Variants in AVEN observed in about 807,000 individuals in gnomAD.
AVEN encodes apoptosis and caspase activation inhibitor.
A neutral mutation model predicts 38.1 loss-of-function variants in AVEN; 41 were observed. The ratio of observed to expected loss-of-function variants is 1.08; its 90% CI spans 0.84 to 1.40. The LOEUF (loss-of-function observed/expected upper bound fraction) is 1.40. AVEN is among the 40% of genes most tolerant of loss of function. AVEN has a pLI of 0.00. For missense variants in AVEN, 605 were observed against 438.8 expected, an observed-to-expected ratio of 1.38 and a Z score of -3.38; for synonymous variants, 206 against 171.8, an observed-to-expected ratio of 1.20 and a Z score of -1.56.
rs1393436770 is a variant in AVEN at position 34,038,872 on chromosome 15, AGCCCCGGCCACG to A, written c.163_174del (p.Arg55_Gly58del). 8.7e-7 allele frequency: 1 copy of A among 1,146,496 alleles called. No homozygotes were observed. Among genetic ancestry groups the A allele is most frequent in the African/African-American group, 1.7e-5 (1 of 60,094 alleles). The allele number at this position is 1,146,496 out of a possible 1,614,324, so 71.0% of individuals were successfully genotyped here. On this transcript the variant is annotated inframe_deletion, in exon 1 of 6. Transcript: ENST00000306730. ...CCTCGGCCTCCGCGAGCGCCGCGGA[AGCCCCGGCCACG>A]GCCACGGCCCCGGCGTCCGCCTCCG...
rs1187959547 is a variant in AVEN at position 33,908,251 on chromosome 15, A to C, written c.446-32256T>G. On this transcript the variant is annotated intron_variant, in intron 2 of 5. Coordinates refer to ENST00000306730, the MANE Select transcript of AVEN (RefSeq NM_020371.3). ...TCCTTACCCATTACACATAACCAGG[A>C]TTCTTTTACTTCGAAAGCTGAATTG... Among the ~76,000 whole-genome samples, 3 of 36,082 alleles carry C rather than the reference A, an allele frequency of 8.3e-5. 1 individual carries two copies. Among genetic ancestry groups the C allele is most frequent in the African/African-American group, 1.6e-4 (3 of 18,780 alleles). The allele number at this position is 36,082 out of a possible 152,430, so 23.7% of individuals were successfully genotyped here.
intron 2 of AVEN, among the ~76,000 whole-genome samples, chr15:33,904,738 C>T (rs933844134): frequency 2.0e-5 from 3 of 147,680 alleles, no homozygotes; most frequent in Non-Finnish European, 3.0e-5. Context: ...CGAATATGCA[C>T]GCTTGCACAC....
rs751322513 is a variant in AVEN at position 33,867,735 on chromosome 15, T to G, written c.733A>C (p.Lys245Gln). The G allele has an allele frequency of 2.5e-6, 4 of 1,614,168 alleles. No individual in the cohort carries two copies. The South Asian group carries it at 3.3e-5, about 13-fold the overall frequency. Residue 245 changes from lysine to glutamine, a missense_variant, in exon 5 of 6, where the codon AAA (lysine) becomes CAA (glutamine). Coordinates refer to ENST00000306730, the MANE Select transcript of AVEN (RefSeq NM_020371.3). ...ACAGGGCAGCCAGCAGCCACAGATT[T>G]CAGCTCAAAGATGGGCCCCCTTCCT... ...PGGRGPIFEL[K>Q]SVAAGCPVLL...
rs956268445 is a variant in AVEN at position 33,908,445 on chromosome 15, T to C, written c.446-32450A>G. On this transcript the variant is annotated intron_variant, in intron 2 of 5. Transcript: ENST00000306730. The stretch of plus-strand genomic sequence containing the variant: ...TTATGAGTATTAACCCATGTCACTG[T>C]TGGTACATTTATAGAGTATAAAATC... Among the ~76,000 whole-genome samples the C allele has an allele frequency of 3.1e-5, 4 of 129,542 alleles. 1 individual carries two copies. Among genetic ancestry groups the C allele is most frequent in the Admixed American group, 8.1e-5 (1 of 12,302 alleles). The allele number at this position is 129,542 out of a possible 152,430, so 85.0% of individuals were successfully genotyped here. A position where few individuals can be genotyped will look rare whatever the true frequency, so the allele number is the denominator to read the frequency against.
intron 2 of AVEN, among the ~76,000 whole-genome samples, chr15:33,983,062 G>A (rs1389207213): frequency 6.6e-6 from 1 of 151,302 alleles, no homozygotes; most frequent in Non-Finnish European, 1.5e-5. Flanking sequence ...TCTGAGCAAC[G>A]GATTTTAGAC....
intron 11 of AVEN, chr15:33,860,575 CTTTGTAT>C (rs1567354378): frequency 6.6e-7 from 1 of 1,520,838 alleles, no homozygotes; most frequent in Non-Finnish European, 9.0e-7. Flanking sequence ...ATTGCTTTGT[CTTTGTAT>C]TTAACATTCC....
At chr15:33,960,306 C>G (rs1895113625) in intron 2 of AVEN, among the ~76,000 whole-genome samples, 1 of 152,102 alleles carries the variant, frequency 6.6e-6, no homozygotes, top group Non-Finnish European at 1.5e-5. Flanking sequence ...AAAATTGCAG[C>G]TTATAATGGA....
At position 33,870,954 on chromosome 15, in the gene AVEN, A is replaced by T; in HGVS notation, c.593T>A (p.Val198Asp). ...QELPLCLRLN[V>D]AAELVQGTVP... ...TTTTACCTGGACCAGTTCGGCAGCA[A>T]CGTTGAGTCGGAGGCAGAGAGGCAG... Residue 198 changes from valine to aspartate, a missense_variant, in exon 4 of 6, where the codon GTT (valine) becomes GAT (aspartate). Val to Asp is a radical substitution (Grantham distance 152). Coordinates refer to ENST00000306730, the MANE Select transcript of AVEN (RefSeq NM_020371.3). 6.2e-7 allele frequency: 1 copy of T among 1,611,464 alleles called. No individual in the cohort carries two copies. Among genetic ancestry groups the T allele is most frequent in the Middle Eastern group, 1.7e-4 (1 of 6,048 alleles).
intron 1 of AVEN, among the ~76,000 whole-genome samples, chr15:34,032,515 T>C (rs1898903217): frequency 6.6e-6 from 1 of 152,154 alleles, no homozygotes; most frequent in Admixed American, 6.6e-5. Flanking sequence ...AAATGATGGA[T>C]AGCCAGAAAA....
intron 2 of AVEN, among the ~76,000 whole-genome samples, chr15:33,912,778 C>A (rs1454252186): frequency 6.6e-6 from 1 of 152,168 alleles, no homozygotes; most frequent in Non-Finnish European, 1.5e-5. Flanking sequence ...AACTGAGTCC[C>A]TATAAGCCAG....
At chr15:33,927,629 C>T (rs974919969) in intron 2 of AVEN, among the ~76,000 whole-genome samples, 6 of 152,250 alleles carry the variant, frequency 3.9e-5, no homozygotes, top group Middle Eastern at 3.4e-3. Context: ...CCTTGGGAGG[C>T]CCAAGGCACA....
intron 2 of AVEN, among the ~76,000 whole-genome samples, chr15:33,894,344 C>G (rs1309577959): frequency 6.6e-6 from 1 of 151,944 alleles, no homozygotes; most frequent in Non-Finnish European, 1.5e-5. Flanking sequence ...AGAACACGCA[C>G]TGGATACTGC....
At chr15:34,024,504 G>T (rs535485224) in intron 1 of AVEN, among the ~76,000 whole-genome samples, 2 of 148,618 alleles carry the variant, frequency 1.3e-5, no homozygotes, top group Non-Finnish European at 3.0e-5. Flanking sequence ...GAAGCACTTT[G>T]CTCACAGAAT....
At chr15:34,045,066 TA>T (rs1274960362) in intron 5 of AVEN, among the ~76,000 whole-genome samples, 1 of 152,058 alleles carries the variant, frequency 6.6e-6, no homozygotes, top group Non-Finnish European at 1.5e-5. Flanking sequence ...GTAATAATAA[TA>T]AAAAATAAAG....
chr15:34,046,893 C>G (rs181156247), intron 5 of AVEN: 3 of 152,454 alleles, frequency 2.0e-5, no homozygotes, highest in Admixed American at 2.0e-4. Flanking sequence ...TGCGACCCCA[C>G]CGGGGAAACC....
intron 1 of AVEN, among the ~76,000 whole-genome samples, chr15:34,014,436 T>A (rs1226791267): frequency 7.4e-6 from 1 of 135,076 alleles, no homozygotes; most frequent in Non-Finnish European, 1.5e-5. Flanking sequence ...GCAGCAGCAG[T>A]ATGGTTTTCC....
chr15:33,997,792 G>A (rs1249322313), intron 2 of AVEN, among the ~76,000 whole-genome samples: 1 of 151,940 alleles, frequency 6.6e-6, no homozygotes, highest in East Asian at 1.9e-4. Flanking sequence ...CTGCTAAACT[G>A]TAATCATGAT....
intron 2 of AVEN, among the ~76,000 whole-genome samples, chr15:33,934,210 CAAAA>C (rs34165431): frequency 7.1e-6 from 1 of 141,546 alleles, no homozygotes; most frequent in African/African-American, 2.7e-5. Flanking sequence ...CCCATCTCTA[CAAAA>C]AAAAAAAAAA....
At chr15:34,073,307 G>A (rs542151812) in intron 1 of AVEN, among the ~76,000 whole-genome samples, 9 of 145,564 alleles carry the variant, frequency 6.2e-5, no homozygotes, top group South Asian at 2.2e-4. Flanking sequence ...CTCCCTCCTC[G>A]GCCTCCCAAA....
Sources: allele counts gnomAD v4.1 joint callset (sites outside exome capture counted in the v4.1 genomes callset), GRCh38; gene constraint gnomAD v4.1.1; transcripts MANE v1.5; gene names NCBI Gene and HGNC (gene_info 2026-07-23, HGNC 2026-07-21).